ADAM11: variants seen among roughly 807,000 people sequenced by gnomAD.
The protein encoded by ADAM11 is ADAM metallopeptidase domain 11.
In ADAM11, 49 loss-of-function variants were observed where a neutral mutation model predicts 119.1. The observed-to-expected ratio is 0.41, with a 90% CI of 0.33 to 0.52. ADAM11 has a LOEUF of 0.52. ADAM11 is among the 20% of genes least tolerant of loss of function. ADAM11 has a pLI of 0.20. For missense variants in ADAM11, 777 were observed against 1,047.5 expected, an observed-to-expected ratio of 0.74 and a Z score of 3.56; for synonymous variants, 364 against 408.0, an observed-to-expected ratio of 0.89 and a Z score of 1.30.
chr17:44,770,188 C>T lies in ADAM11; in HGVS notation c.381+140C>T, dbSNP rs542509777. On this transcript the variant is annotated intron_variant, in intron 4 of 26. Transcript: ENST00000200557. ...GCCCCTCAGCACCTTCCCTCTCTCCCGACCCAGGAGGCTCTGAGGGTGGAC... is the reference window on the plus strand; with the variant it reads ...GCCCCTCAGCACCTTCCCTCTCTCCTGACCCAGGAGGCTCTGAGGGTGGAC... The T allele has an allele frequency of 2.0e-5, 21 of 1,052,578 alleles. No individual in the cohort carries two copies. The East Asian group carries it at 2.3e-4, about 12-fold the overall frequency. The allele number at this position is 1,052,578 out of a possible 1,614,324, so 65.2% of individuals were successfully genotyped here. A position where few individuals can be genotyped will look rare whatever the true frequency, so the allele number is the denominator to read the frequency against.
intron 25 of ADAM11, 123 bp from the exon 26 acceptor site, chr17:44,779,099 C>T (rs1453041182): frequency 3.0e-6 from 4 of 1,315,538 alleles, no homozygotes; most frequent in Non-Finnish European, 4.2e-6. Context: ...GTGTCCAGGC[C>T]CCGGGGACCC....
At chr17:44,760,836 C>T (rs1050849657) in intron 2 of ADAM11, among the ~76,000 whole-genome samples, 1 of 152,008 alleles carries the variant, frequency 6.6e-6, no homozygotes, top group Non-Finnish European at 1.5e-5. Flanking sequence ...GCATCTGGCC[C>T]TGCCTAATGT....
chr17:44,767,073 C>T (rs1345841214), intron 2 of ADAM11, among the ~76,000 whole-genome samples: 1 of 152,096 alleles, frequency 6.6e-6, no homozygotes, highest in African/African-American at 2.4e-5. Flanking sequence ...AAAAAAAGAA[C>T]ATTCGCTGGG....
chr17:44,771,476 G>A (rs1037815122), intron 4 of ADAM11, 108 bp from the exon 5 acceptor site: 21 of 1,132,262 alleles, frequency 1.9e-5, no homozygotes, highest in Non-Finnish European at 2.6e-5. Context: ...CCCAGGGATT[G>A]TGGCCACCTG....
chr17:44,764,089 C>T (rs1455188012), intron 2 of ADAM11, among the ~76,000 whole-genome samples: 1 of 152,118 alleles, frequency 6.6e-6, no homozygotes, highest in Non-Finnish European at 1.5e-5. Context: ...ACCCAGACTC[C>T]TTGGGAACAA....
chr17:44,777,189 G>C lies in ADAM11; in HGVS notation c.1705G>C (p.Glu569Gln). ...AGCGGCTGCTGATCGCTTCTGCTAC[G>C]AGAAGCTGAATGTGGAGGGGACGGA... ...GHAAADRFCY[E>Q]KLNVEGTERG... is the part of the protein sequence containing the mutation. The change falls in exon 21 of 27, where the codon GAG (glutamate) becomes CAG (glutamine). Residue 569 changes from glutamate to glutamine, a missense_variant. Transcript: ENST00000200557. This position sits in a 1 kb window ranked among gnomAD's most constrained non-coding sequence, Gnocchi z 5.1. 1 of 1,608,404 alleles carries C rather than the reference G, an allele frequency of 6.2e-7. No individual in the cohort carries two copies. The highest frequency in any genetic ancestry group is 8.5e-7 in the Non-Finnish European group (1 of 1,178,708).
At chr17:44,771,939 C>T in intron 6 of ADAM11, 108 bp downstream of exon 6, 1 of 1,297,892 alleles carries the variant, frequency 7.7e-7, no homozygotes, top group Non-Finnish European at 1.1e-6. Context: ...TCAGTAACCC[C>T]AGCCTCACTG....
rs2049561743 is a variant in ADAM11 at position 44,773,837 on chromosome 17, TG to T, written c.992+411del. Among the ~76,000 whole-genome samples the T allele has an allele frequency of 6.6e-6, 1 of 152,096 alleles. No homozygotes were observed. The highest frequency in any genetic ancestry group is 1.5e-5 in the Non-Finnish European group (1 of 68,010). On this transcript the variant is annotated intron_variant, in intron 11 of 26. Coordinates refer to ENST00000200557, the MANE Select transcript of ADAM11 (RefSeq NM_002390.6). The surrounding 1 kb of genome is among the most constrained non-coding windows in gnomAD (Gnocchi z 4.6). Reference sequence around the variant, plus strand: ...GGGGCCAGGCGTGGTGGCTCATGCCTGTAATCTCAGCACTTTGGGAGGCCAA... The same window carrying T: ...GGGGCCAGGCGTGGTGGCTCATGCCTTAATCTCAGCACTTTGGGAGGCCAA...
rs1426122052 is a variant in ADAM11, at chr17:44,776,203, G to T, written c.1562G>T (p.Ser521Ile). The change falls in exon 18 of 27, where the codon AGC (serine) becomes ATC (isoleucine). Residue 521 changes from serine to isoleucine, a missense_variant. Physicochemically the swap from Ser to Ile is moderately radical, Grantham distance 142. This residue lies in a region of ADAM11 where 348 missense variants were observed against 486.7 expected (regional missense o/e 0.72). Transcript: ENST00000200557. This position sits in a 1 kb window ranked among gnomAD's most constrained non-coding sequence, Gnocchi z 5.2. ...DIAETCTGDS[S>I]QCPPNLHKLD... ...GCGGAGACCTGCACCGGGGACTCTA[G>T]CCAGGTCCGCCCGGCCCCGCCGTCT... The T allele has an allele frequency of 6.2e-7, 1 of 1,613,318 alleles. No individual in the cohort carries two copies. The highest frequency in any genetic ancestry group is 1.3e-5 in the African/African-American group (1 of 74,984).
chr17:44,772,719 C>G lies in ADAM11; in HGVS notation c.679-138C>G. ...ATTCCAAAGCTGAGGAAGGACAGGACCCTCTGCCAGTGGGGAGCTGGCACT... is the reference window on the plus strand; with the variant it reads ...ATTCCAAAGCTGAGGAAGGACAGGAGCCTCTGCCAGTGGGGAGCTGGCACT... On this transcript the variant is annotated intron_variant, in intron 8 of 26. Transcript: ENST00000200557. The surrounding 1 kb of genome is among the most constrained non-coding windows in gnomAD (Gnocchi z 4.5). 1.1e-6 allele frequency: 1 copy of G among 917,656 alleles called. No homozygotes were observed. The highest frequency in any genetic ancestry group is 1.7e-6 in the Non-Finnish European group (1 of 594,780). 56.8% of individuals were successfully genotyped at this position (917,656 alleles called of 1,614,324 possible).
chr17:44,767,671 C>G lies in ADAM11; in HGVS notation c.238-2047C>G, dbSNP rs1362254886. On this transcript the variant is annotated intron_variant, in intron 2 of 26. Transcript: ENST00000200557. ...GGCCCAGCCCCCAGCCCCAGCTGCC[C>G]CGGCACTGCCCCAGGGGCTTATCTG... Among the ~76,000 whole-genome samples, 6 of 152,388 alleles carry G rather than the reference C, an allele frequency of 3.9e-5. No homozygotes were observed. The South Asian group carries it at 6.2e-4, about 16-fold the overall frequency.
At chr17:44,763,932 G>T (rs1261343715) in intron 2 of ADAM11, among the ~76,000 whole-genome samples, 1 of 152,094 alleles carries the variant, frequency 6.6e-6, no homozygotes, top group Non-Finnish European at 1.5e-5. Context: ...GGCCAAACTG[G>T]TCTCGAACTC....
chr17:44,771,297 CA>C (rs5820551), intron 4 of ADAM11, among the ~76,000 whole-genome samples: 59,616 of 120,278 alleles, frequency 0.5, 13,076 homozygotes, highest in East Asian at 0.71. Flanking sequence ...GACCCTGTCT[CA>C]AAAAAAAAAA....
intron 24 of ADAM11, 32 bp downstream of exon 24, chr17:44,778,098 C>A: frequency 1.2e-6 from 2 of 1,610,244 alleles, no homozygotes; most frequent in South Asian, 2.2e-5. Flanking sequence ...GGGGGTCTGT[C>A]TGTCCTGCTC....
In ADAM11 at chr17:44,777,742, A is replaced by C. The variant is rs1319983555; in HGVS notation, c.1949A>C (p.Glu650Ala). The C allele has an allele frequency of 6.2e-7, 1 of 1,614,016 alleles. No homozygotes were observed. Among genetic ancestry groups the C allele is most frequent in the Non-Finnish European group, 8.5e-7 (1 of 1,179,980 alleles). Residue 650 changes from glutamate to alanine, a missense_variant, in exon 23 of 27, where the codon GAG (glutamate) becomes GCG (alanine). Glu to Ala is a moderately radical substitution (Grantham distance 107). Transcript: ENST00000200557. The surrounding 1 kb of genome is among the most constrained non-coding windows in gnomAD (Gnocchi z 5.1). Reference sequence around the variant, plus strand: ...GACGGCTCTGACCTGAGCTATGTGGAGGATGGCACAGCCTGCGGGCCTAAC... The same window carrying C: ...GACGGCTCTGACCTGAGCTATGTGGCGGATGGCACAGCCTGCGGGCCTAAC... ...LADGSDLSYV[E>A]DGTACGPNML...
In ADAM11 at chr17:44,773,887, C is replaced by T. The variant is rs1567693098; in HGVS notation, c.993-408C>T. On this transcript the variant is annotated intron_variant, in intron 11 of 26. Coordinates refer to ENST00000200557, the MANE Select transcript of ADAM11 (RefSeq NM_002390.6). This position sits in a 1 kb window ranked among gnomAD's most constrained non-coding sequence, Gnocchi z 4.6. ...AAGGCGGGTAGATCATTTCAGGTTA[C>T]GAGTTTAAGACCAGCCTGGCCAACA... Among the ~76,000 whole-genome samples, 2 of 151,684 alleles carry T rather than the reference C, an allele frequency of 1.3e-5. No individual in the cohort carries two copies. The highest frequency in any genetic ancestry group is 6.6e-5 in the Admixed American group (1 of 15,240).
chr17:44,771,052 T>C (rs1045057034), intron 4 of ADAM11, among the ~76,000 whole-genome samples: 6 of 151,816 alleles, frequency 4.0e-5, no homozygotes, highest in Non-Finnish European at 8.8e-5. Context: ...AGGCGGAGGT[T>C]GCAGTGAGCT....
At position 44,776,643 on chromosome 17, in the gene ADAM11, GC is replaced by G; in HGVS notation, c.1567-97del. 1 of 1,408,184 alleles carries G rather than the reference GC, an allele frequency of 7.1e-7. No individual in the cohort carries two copies. The allele number at this position is 1,408,184 out of a possible 1,614,324, so 87.2% of individuals were successfully genotyped here. A position where few individuals can be genotyped will look rare whatever the true frequency, so the allele number is the denominator to read the frequency against. On this transcript the variant is annotated intron_variant, in intron 18 of 26. Coordinates refer to ENST00000200557, the MANE Select transcript of ADAM11 (RefSeq NM_002390.6). The surrounding 1 kb of genome is among the most constrained non-coding windows in gnomAD (Gnocchi z 5.2). ...GGCGTGGAAGAGCCCTGTGGCATGAGCCCCCAATGGGGGGCACTTGGTACCC... is the reference window on the plus strand; with the variant it reads ...GGCGTGGAAGAGCCCTGTGGCATGAGCCCCAATGGGGGGCACTTGGTACCC...
chr17:44,776,719 G>C lies in ADAM11; in HGVS notation c.1567-26G>C, dbSNP rs776145188. The C allele has an allele frequency of 2.5e-6, 4 of 1,613,338 alleles. No individual in the cohort carries two copies. The highest frequency in any genetic ancestry group is 2.5e-6 in the Non-Finnish European group (3 of 1,179,718). On this transcript the variant is annotated intron_variant, in intron 18 of 26. Coordinates refer to ENST00000200557, the MANE Select transcript of ADAM11 (RefSeq NM_002390.6). This position sits in a 1 kb window ranked among gnomAD's most constrained non-coding sequence, Gnocchi z 5.2. ...TCAGCTCCAGTCCTGGGACTGCTCC[G>C]CTCAACCCCACCCCTCTCTCCACAG...
Sources: allele counts gnomAD v4.1 joint callset (sites outside exome capture counted in the v4.1 genomes callset), GRCh38; gene constraint gnomAD v4.1.1; regional missense constraint gnomAD v4.1.1; non-coding constraint Gnocchi (gnomAD v3.1); transcripts MANE v1.5; gene names NCBI Gene and HGNC (gene_info 2026-07-23, HGNC 2026-07-21).